The following GCLC variants were observed in gnomAD, a reference collection of about 807,000 sequenced individuals.
The protein encoded by GCLC is glutamate--cysteine ligase catalytic subunit.
GCLC carries 30 observed loss-of-function variants against 81.5 expected under a neutral mutation model. The observed-to-expected ratio is 0.37, with a 90% CI of 0.28 to 0.50. The LOEUF is 0.50. Ranked by LOEUF, GCLC falls within the 20% of genes least tolerant of loss-of-function variation. The probability of loss-of-function intolerance (pLI) is 0.96; values close to 1 mark genes in which losing one functional copy is unlikely to be tolerated. For synonymous variants in GCLC, 262 were observed against 273.3 expected (o/e 0.96, Z 0.41); for missense variants, 556 against 777.4 (o/e 0.72, Z 3.39).
At position 53,500,343 on chromosome 6, in the gene GCLC, A is replaced by G; in HGVS notation, c.1485T>C (p.Asn495=). The change falls in exon 14 of 16, where the codon AAT becomes AAC. Residue 495 remains asparagine, a synonymous_variant. Transcript: ENST00000650454. The part of the protein sequence containing the change: ...YFRKDICKGG[N]AVVDGCGKAQ... ...CCTTGCCACAACCATCCACCACTGC[A>G]TTGCCACCTGCCGGAGAAGAGGGTC... The G allele has an allele frequency of 6.2e-7, 1 of 1,614,156 alleles. No homozygotes were observed. The highest frequency in any genetic ancestry group is 1.1e-5 in the South Asian group (1 of 91,084).
In GCLC at chr6:53,500,336, C is replaced by A; in HGVS notation, c.1492G>T (p.Val498Leu). 5 of 1,614,182 alleles carry A rather than the reference C, an allele frequency of 3.1e-6. No homozygotes were observed. The highest frequency in any genetic ancestry group is 4.2e-6 in the Non-Finnish European group (5 of 1,179,998). ...TTCTGGGCCTTGCCACAACCATCCACCACTGCATTGCCACCTGCCGGAGAA... is the reference window on the plus strand; with the variant it reads ...TTCTGGGCCTTGCCACAACCATCCAACACTGCATTGCCACCTGCCGGAGAA... The part of the protein sequence containing the change: ...KDICKGGNAV[V>L]DGCGKAQNST... The change falls in exon 14 of 16, where the codon GTG (valine) becomes TTG (leucine). Residue 498 changes from valine to leucine, a missense_variant. By Grantham distance (32) the Val-to-Leu change is conservative (BLOSUM62 1). Transcript: ENST00000650454.
At chr6:53,520,989 C>A in intron 2 of GCLC, 29 bp from the exon 3 acceptor site, 1 of 1,571,040 alleles carries the variant, frequency 6.4e-7, no homozygotes, top group Non-Finnish European at 8.8e-7. Flanking sequence ...TTAGTTCCAT[C>A]TTATTCTTTT....
Position 53,544,820 on chromosome 6 carries a change from G to A in GCLC, c.-175C>T, listed in dbSNP as rs893103776. On this transcript the variant is annotated 5_prime_UTR_variant, in exon 1 of 16. Transcript: ENST00000650454. Reference sequence around the variant, plus strand: ...TGCCCGCTCCGGCTCCCCGGCGGCGGCCCCTGGCGCCCAGGTGACAGACCC... The same window carrying A: ...TGCCCGCTCCGGCTCCCCGGCGGCGACCCCTGGCGCCCAGGTGACAGACCC... 4.0e-4 allele frequency: 208 copies of A among 515,710 alleles called. 1 individual carries two copies. The highest frequency in any genetic ancestry group is 5.2e-4 in the Middle Eastern group (1 of 1,918). The allele number at this position is 515,710 out of a possible 1,614,324, so 31.9% of individuals were successfully genotyped here.
Position 53,516,164 on chromosome 6 carries a change from C to A in GCLC, c.505G>T (p.Ala169Ser). The A allele has an allele frequency of 4.3e-6, 7 of 1,613,716 alleles. No individual in the cohort carries two copies. Among genetic ancestry groups the A allele is most frequent in the Non-Finnish European group, 5.1e-6 (6 of 1,179,632 alleles). The change falls in exon 4 of 16, where the codon GCT becomes TCT. Residue 169 changes from alanine (A) to serine (S), a missense_variant. Physicochemically the swap from Ala to Ser is moderately conservative, Grantham distance 99. Coordinates refer to ENST00000650454, the MANE Select transcript of GCLC (RefSeq NM_001498.4). ...TCTGGAAAGAAGAGGGACTTGGAAG[C>A]TCCTCCTTCCACTGGGTTGGGTTTG... ...EVKPNPVEGG[A>S]SKSLFFPDEA...
chr6:53,535,133 C>G (rs1352941308), intron 1 of GCLC, among the ~76,000 whole-genome samples: 1 of 152,156 alleles, frequency 6.6e-6, no homozygotes, highest in Non-Finnish European at 1.5e-5. Context: ...CTGTAAGTCC[C>G]AGCTACTTGT....
intron 3 of GCLC, among the ~76,000 whole-genome samples, chr6:53,518,274 G>A (rs1356875450): frequency 4.0e-5 from 6 of 151,734 alleles, no homozygotes; most frequent in Non-Finnish European, 7.4e-5. Context: ...ATTTTGAGAC[G>A]GAGGCTTGCT....
At chr6:53,511,203 G>C (rs911973826) in intron 6 of GCLC, among the ~76,000 whole-genome samples, 1 of 79,786 alleles carries the variant, frequency 1.3e-5, no homozygotes, top group African/African-American at 8.5e-5. Context: ...AAAAAAAGTG[G>C]GGGGGGGGTG....
chr6:53,509,349 G>C, intron 6 of GCLC, 99 bp from the exon 7 acceptor site: 1 of 767,620 alleles, frequency 1.3e-6, no homozygotes, highest in Admixed American at 1.8e-5. Context: ...AGAGGGGCAA[G>C]TTAACAACGC....
In GCLC at chr6:53,500,292, T is replaced by G; in HGVS notation, c.1536A>C (p.Ala512=). The G allele has an allele frequency of 6.2e-7, 1 of 1,614,214 alleles. No individual in the cohort carries two copies. Among genetic ancestry groups the G allele is most frequent in the African/African-American group, 1.3e-5 (1 of 75,068 alleles). The change falls in exon 14 of 16, where the codon GCA becomes GCC. Residue 512 remains alanine, a synonymous_variant. Transcript: ENST00000650454. Reference sequence around the variant, plus strand: ...CTATGCTCATGAGGGTGTACTCCTCTGCAGCGAGCTCCGTGCTGTTCTGGG... The same window carrying G: ...CTATGCTCATGAGGGTGTACTCCTCGGCAGCGAGCTCCGTGCTGTTCTGGG... ...GKAQNSTELA[A]EEYTLMSIDT...
Position 53,532,511 on chromosome 6 carries a change from G to A in GCLC, c.151-9984C>T, listed in dbSNP as rs80033148. On this transcript the variant is annotated intron_variant, in intron 1 of 15. Coordinates refer to ENST00000650454, the MANE Select transcript of GCLC (RefSeq NM_001498.4). ...ACAACTTAACACACTGGCAGGCCAG[G>A]GTACTACCCTGCTTAGCTCAGGCAG... 6.4e-3 allele frequency among the ~76,000 whole-genome samples: 967 copies of A among 152,266 alleles called. 12 individuals carry two copies. Among genetic ancestry groups the A allele is most frequent in the African/African-American group, 0.021 (857 of 41,550 alleles).
In GCLC at chr6:53,497,547, C is replaced by T. The variant is rs1328537188; in HGVS notation, c.*1209G>A. 6.6e-6 allele frequency: 1 copy of T among 152,534 alleles called. No individual in the cohort carries two copies. Among genetic ancestry groups the T allele is most frequent in the Non-Finnish European group, 1.5e-5 (1 of 68,032 alleles). The allele number at this position is 152,534 out of a possible 1,614,324, so 9.4% of individuals were successfully genotyped here. A position where few individuals can be genotyped will look rare whatever the true frequency, so the allele number is the denominator to read the frequency against. On this transcript the variant is annotated 3_prime_UTR_variant, in exon 16 of 16. Transcript: ENST00000650454. ...TTAGCTGAAGCAGCTTTATTGCAATCTCTTCAAGTTAGCATATTACAGTTT... is the reference window on the plus strand; with the variant it reads ...TTAGCTGAAGCAGCTTTATTGCAATTTCTTCAAGTTAGCATATTACAGTTT...
At chr6:53,516,294 C>T in intron 3 of GCLC, 72 bp from the exon 4 acceptor site, 1 of 945,686 alleles carries the variant, frequency 1.1e-6, no homozygotes, top group Non-Finnish European at 1.7e-6. Flanking sequence ...CTTGCCATCA[C>T]TGCACCTGCC....
chr6:53,543,599 CAG>C (rs1192243624), intron 1 of GCLC, among the ~76,000 whole-genome samples: 2 of 152,308 alleles, frequency 1.3e-5, no homozygotes, highest in East Asian at 1.9e-4. Context: ...AAAACAAAAA[CAG>C]AGATGGACTT....
rs1561939226 is a variant in GCLC, at chr6:53,505,797, T to TCTTA, written c.1290+2_1290+5dup. The stretch of plus-strand genomic sequence containing the variant: ...GAGTCAGTTCTTGCTGATGCATGTG[T>TCTTA]CTTACCTCCATGGGTCGAAATTCTA... On this transcript the variant is annotated splice_donor_region_variant and intron_variant, in intron 11 of 15. Transcript: ENST00000650454. 3 of 1,550,472 alleles carry TCTTA rather than the reference T, an allele frequency of 1.9e-6. No homozygotes were observed. The highest frequency in any genetic ancestry group is 2.7e-6 in the Non-Finnish European group (3 of 1,121,922).
intron 15 of GCLC, 46 bp downstream of exon 15, chr6:53,499,999 T>C (rs1476566224): frequency 1.5e-6 from 2 of 1,355,426 alleles, no homozygotes; most frequent in African/African-American, 1.4e-5. Context: ...TCTAAGATTA[T>C]ACCATGCTGT....
chr6:53,504,012 G>A (rs1404788897), intron 12 of GCLC, among the ~76,000 whole-genome samples: 1 of 152,022 alleles, frequency 6.6e-6, no homozygotes, highest in African/African-American at 2.4e-5. Context: ...ATTTGTCTGA[G>A]GCCACTAATT....
intron 4 of GCLC, among the ~76,000 whole-genome samples, chr6:53,515,444 ATC>A (rs1764850360): frequency 6.6e-6 from 1 of 152,274 alleles, no homozygotes; most frequent in African/African-American, 2.4e-5. Flanking sequence ...GTCTACAAAT[ATC>A]TGTCTTCCCC....
intron 1 of GCLC, among the ~76,000 whole-genome samples, chr6:53,542,399 G>C (rs1000701065): frequency 6.6e-6 from 1 of 152,102 alleles, no homozygotes; most frequent in Non-Finnish European, 1.5e-5. Context: ...GTACTTCAAG[G>C]CTCTACTCTT....
At chr6:53,544,026 C>T (rs950175889) in intron 1 of GCLC, among the ~76,000 whole-genome samples, 3 of 152,132 alleles carry the variant, frequency 2.0e-5, no homozygotes, top group Non-Finnish European at 1.5e-5. Flanking sequence ...GGAAAAGACA[C>T]CTGCATGAGG....
Sources: allele counts gnomAD v4.1 joint callset (sites outside exome capture counted in the v4.1 genomes callset), GRCh38; gene constraint gnomAD v4.1.1; transcripts MANE v1.5; gene names NCBI Gene and HGNC (gene_info 2026-07-23, HGNC 2026-07-21).